EDN1: variants seen among roughly 807,000 people sequenced by gnomAD.
EDN1 encodes the protein endothelin-1.
A neutral mutation model predicts 21.7 loss-of-function variants in EDN1; 11 were observed. The ratio of observed to expected loss-of-function variants is 0.51; its 90% CI spans 0.32 to 0.84. The LOEUF (loss-of-function observed/expected upper bound fraction) is 0.84, where lower values mean the gene tolerates loss of function less well. Among genes scored for constraint, EDN1 ranks in the 40% least tolerant of loss-of-function variants. The pLI is 0.03. For synonymous variants in EDN1, 85 were observed against 90.6 expected, an observed-to-expected ratio of 0.94 and a Z score of 0.35; for missense variants, 244 against 262.3, an observed-to-expected ratio of 0.93 and a Z score of 0.48.
chr6:12,271,819 T>C, the EDN1 span, among the ~76,000 whole-genome samples: 15 of 152,338 alleles, frequency 9.8e-5, no homozygotes, highest in African/African-American at 3.6e-4. Flanking sequence ...CCTTCATTTC[T>C]GAAGATAGCT....
the EDN1 span, among the ~76,000 whole-genome samples, chr6:12,231,410 T>G: frequency 6.6e-6 from 1 of 152,188 alleles, no homozygotes; most frequent in African/African-American, 2.4e-5. Context: ...AAAAGGAAAC[T>G]CATATGGAGT....
At chr6:12,282,362 C>T in the EDN1 span, among the ~76,000 whole-genome samples, 5 of 152,174 alleles carry the variant, frequency 3.3e-5, no homozygotes, top group Non-Finnish European at 5.9e-5. Flanking sequence ...AAATGTTAGC[C>T]CTCCCTGGCT....
At chr6:12,251,682 A>G in the EDN1 span, among the ~76,000 whole-genome samples, 1 of 152,190 alleles carries the variant, frequency 6.6e-6, no homozygotes, top group Non-Finnish European at 1.5e-5. Flanking sequence ...TCGAACCGAT[A>G]CGGCCAGCTG....
the EDN1 span, among the ~76,000 whole-genome samples, chr6:12,273,425 T>C: frequency 6.6e-6 from 1 of 152,268 alleles, no homozygotes; most frequent in South Asian, 2.1e-4. Context: ...CTTAAAAATT[T>C]TAATAAGGCA....
At position 12,296,262 on chromosome 6, in the gene EDN1, C is replaced by T. The variant is rs914721069; in HGVS notation, c.*195C>T. On this transcript the variant is annotated 3_prime_UTR_variant, in exon 5 of 5. Coordinates refer to ENST00000379375, the MANE Select transcript of EDN1 (RefSeq NM_001955.5). ...CCCAACCATCTTCACTGGCTTCCAT[C>T]AGTGGTAACTGCTTTGGTCTCTTCT... 2.9e-5 allele frequency: 17 copies of T among 581,748 alleles called. No individual in the cohort carries two copies. Among genetic ancestry groups the T allele is most frequent in the Admixed American group, 5.2e-5 (2 of 38,172 alleles). 36.0% of individuals were successfully genotyped at this position (581,748 alleles called of 1,614,324 possible).
At chr6:12,275,490 A>G in the EDN1 span, among the ~76,000 whole-genome samples, 2 of 152,208 alleles carry the variant, frequency 1.3e-5, no homozygotes, top group Non-Finnish European at 2.9e-5. Context: ...ATTGTAACCA[A>G]AATTTAATTT....
the EDN1 span, among the ~76,000 whole-genome samples, chr6:12,262,600 G>A: frequency 5.3e-5 from 8 of 152,114 alleles, no homozygotes; most frequent in Admixed American, 3.9e-4. Context: ...GGCCGGGTAC[G>A]GCAGCTCATG....
At chr6:12,292,788 G>A (rs1019982082) in intron 2 of EDN1, among the ~76,000 whole-genome samples, 6 of 152,138 alleles carry the variant, frequency 3.9e-5, no homozygotes, top group African/African-American at 1.4e-4. Flanking sequence ...TCAGTGAGAG[G>A]GCCTCAGGGG....
At position 12,296,267 on chromosome 6, in the gene EDN1, G is replaced by A; in HGVS notation, c.*200G>A. The A allele has an allele frequency of 1.8e-6, 1 of 568,826 alleles. No homozygotes were observed. Among genetic ancestry groups the A allele is most frequent in the East Asian group, 3.2e-5 (1 of 31,086 alleles). 35.2% of individuals were successfully genotyped at this position (568,826 alleles called of 1,614,324 possible). A position where few individuals can be genotyped will look rare whatever the true frequency, so the allele number is the denominator to read the frequency against. ...CCATCTTCACTGGCTTCCATCAGTG[G>A]TAACTGCTTTGGTCTCTTCTTTCAT... is the stretch of plus-strand genomic sequence containing the variant. On this transcript the variant is annotated 3_prime_UTR_variant, in exon 5 of 5. Coordinates refer to ENST00000379375, the MANE Select transcript of EDN1 (RefSeq NM_001955.5).
chr6:12,262,974 G>A, the EDN1 span, among the ~76,000 whole-genome samples: 1 of 152,104 alleles, frequency 6.6e-6, no homozygotes, highest in Non-Finnish European at 1.5e-5. Flanking sequence ...CAAAGTGGGT[G>A]GTGTTGTGGA....
intron 1 of EDN1, among the ~76,000 whole-genome samples, chr6:12,291,869 C>T (rs1762690658): frequency 6.6e-6 from 1 of 152,154 alleles, no homozygotes; most frequent in Admixed American, 6.5e-5. Flanking sequence ...GGATGGGTAC[C>T]CCCTAAAGAG....
In EDN1 at chr6:12,290,389, A is replaced by G; in HGVS notation, c.-241A>G. Reference sequence around the variant, plus strand: ...CGCGCCTCTGCATCTGCGCCAGGCGAACGGGTCCTGCGCCTCCTGCAGTCC... The same window carrying G: ...CGCGCCTCTGCATCTGCGCCAGGCGGACGGGTCCTGCGCCTCCTGCAGTCC... On this transcript the variant is annotated 5_prime_UTR_variant, in exon 1 of 5. Coordinates refer to ENST00000379375, the MANE Select transcript of EDN1 (RefSeq NM_001955.5). 1 of 562,588 alleles carries G rather than the reference A, an allele frequency of 1.8e-6. No homozygotes were observed. The highest frequency in any genetic ancestry group is 2.1e-5 in the South Asian group (1 of 48,652). The allele number at this position is 562,588 out of a possible 1,614,324, so 34.8% of individuals were successfully genotyped here. A position where few individuals can be genotyped will look rare whatever the true frequency, so the allele number is the denominator to read the frequency against.
chr6:12,236,778 T>TG, the EDN1 span, among the ~76,000 whole-genome samples: 7 of 150,902 alleles, frequency 4.6e-5, no homozygotes, highest in South Asian at 6.3e-4. Context: ...CTTTTTTTTT[T>TG]TTTGTTAGGA....
chr6:12,295,389 A>G (rs1414563345), intron 4 of EDN1, among the ~76,000 whole-genome samples: 1 of 152,068 alleles, frequency 6.6e-6, no homozygotes, highest in Non-Finnish European at 1.5e-5. Flanking sequence ...TTCTGAACTA[A>G]CCTGGAATTT....
chr6:12,290,257 T>TAATA (rs1762636752), upstream of EDN1: 1 of 269,888 alleles, frequency 3.7e-6, no homozygotes. Flanking sequence ...TGTTGGTGAC[T>TAATA]AATAACACAA....
the EDN1 span, among the ~76,000 whole-genome samples, chr6:12,275,529 G>T: frequency 3.0e-4 from 46 of 152,138 alleles, no homozygotes; most frequent in Non-Finnish European, 5.3e-4. Flanking sequence ...TGACCATGAA[G>T]ATGATAACCA....
the EDN1 span, among the ~76,000 whole-genome samples, chr6:12,278,259 C>T: frequency 6.6e-6 from 1 of 152,240 alleles, no homozygotes; most frequent in South Asian, 2.1e-4. Context: ...TTTACAATAA[C>T]TGTTAAGATA....
the EDN1 span, among the ~76,000 whole-genome samples, chr6:12,260,447 C>T: frequency 6.6e-6 from 1 of 152,294 alleles, no homozygotes; most frequent in East Asian, 1.9e-4. Context: ...TATTTACCTT[C>T]ATGTCTGTGA....
the EDN1 span, among the ~76,000 whole-genome samples, chr6:12,246,153 T>C: frequency 5.9e-5 from 9 of 152,178 alleles, no homozygotes; most frequent in Non-Finnish European, 1.0e-4. Flanking sequence ...ATTTCCATCA[T>C]GTCCTCCTCT....
Sources: gnomAD v4.1 joint callset for allele counts (sites outside exome capture counted in the v4.1 genomes callset) on GRCh38, gnomAD v4.1.1 for gene constraint, MANE v1.5 for transcripts, NCBI Gene and HGNC (gene_info 2026-07-23, HGNC 2026-07-21) for gene names.